NRG3: variants seen among roughly 807,000 people sequenced by gnomAD.
The protein encoded by NRG3 is pro-neuregulin-3, membrane-bound isoform.
NRG3 carries 31 observed loss-of-function variants against 66.9 expected under a neutral mutation model. That is an observed-to-expected ratio of 0.46 (90% confidence interval 0.35 to 0.63). NRG3 has a LOEUF of 0.63. Ranked by LOEUF, NRG3 falls within the 20% of genes least tolerant of loss-of-function variation. The pLI, the probability that NRG3 is intolerant of heterozygous loss-of-function variation, is 0.00. For missense variants in NRG3, 910 were observed against 878.9 expected (o/e 1.04, Z -0.45); for synonymous variants, 393 against 359.4 (o/e 1.09, Z -1.06).
At chr10:82,972,132 C>T (rs1851820169) in intron 6 of NRG3, among the ~76,000 whole-genome samples, 1 of 152,038 alleles carries the variant, frequency 6.6e-6, no homozygotes. Flanking sequence ...GTTACAAACC[C>T]CCTTATTAAT....
At chr10:82,191,186 TTTAGGA>T (rs2074122509) in intron 1 of NRG3, among the ~76,000 whole-genome samples, 1 of 152,148 alleles carries the variant, frequency 6.6e-6, no homozygotes, top group Admixed American at 6.5e-5. Context: ...CAACATTTAC[TTTAGGA>T]TTGAATTGAC....
At chr10:82,045,923 T>C (rs1226159619) in intron 1 of NRG3, among the ~76,000 whole-genome samples, 5 of 151,282 alleles carry the variant, frequency 3.3e-5, no homozygotes, top group East Asian at 3.9e-4. Flanking sequence ...TTCCATTGAT[T>C]TATATCTCTG....
intron 4 of NRG3, among the ~76,000 whole-genome samples, chr10:82,940,303 G>C (rs1198141294): frequency 6.6e-6 from 1 of 152,110 alleles, no homozygotes; most frequent in Non-Finnish European, 1.5e-5. Context: ...TCTTCTGAGG[G>C]CTGTGAAGGG....
At chr10:82,003,010 G>A (rs1167261096) in intron 1 of NRG3, among the ~76,000 whole-genome samples, 3 of 152,194 alleles carry the variant, frequency 2.0e-5, no homozygotes. Context: ...GAGGGGTGCT[G>A]ATGTGTCTGG....
intron 3 of NRG3, among the ~76,000 whole-genome samples, chr10:82,840,985 G>T (rs576359205): frequency 1.3e-5 from 2 of 152,128 alleles, no homozygotes; most frequent in Non-Finnish European, 2.9e-5. Flanking sequence ...GTCTGCAGAT[G>T]TAACCAAGTT....
chr10:81,890,774 A>G (rs957926111), intron 1 of NRG3, among the ~76,000 whole-genome samples: 1 of 152,176 alleles, frequency 6.6e-6, no homozygotes, highest in African/African-American at 2.4e-5. Flanking sequence ...AAATTGAATT[A>G]AATTGCCGGT....
At chr10:82,571,993 C>T (rs2045764279) in intron 2 of NRG3, among the ~76,000 whole-genome samples, 1 of 151,334 alleles carries the variant, frequency 6.6e-6, no homozygotes, top group Non-Finnish European at 1.5e-5. Context: ...CATAACTATC[C>T]TTGTACTGTT....
intron 4 of NRG3, among the ~76,000 whole-genome samples, chr10:82,926,517 G>C (rs1847014839): frequency 6.6e-6 from 1 of 152,190 alleles, no homozygotes; most frequent in Non-Finnish European, 1.5e-5. Context: ...CATCCAAGAA[G>C]TATCTATCAC....
At chr10:82,505,656 A>G (rs1267186206) in intron 2 of NRG3, among the ~76,000 whole-genome samples, 1 of 152,208 alleles carries the variant, frequency 6.6e-6, no homozygotes, top group East Asian at 1.9e-4. Flanking sequence ...AGGCTGGTAG[A>G]TGCATATGAC....
intron 1 of NRG3, among the ~76,000 whole-genome samples, chr10:82,026,298 G>A (rs1442751221): frequency 1.3e-5 from 2 of 151,628 alleles, no homozygotes; most frequent in African/African-American, 4.8e-5. Context: ...TATAAGAAAG[G>A]GCCATATAAA....
intron 2 of NRG3, among the ~76,000 whole-genome samples, chr10:82,458,253 A>G (rs2091359720): frequency 6.6e-6 from 1 of 152,348 alleles, no homozygotes; most frequent in Non-Finnish European, 1.5e-5. Context: ...GAACCAGGGT[A>G]TATAAGTTCC....
intron 1 of NRG3, among the ~76,000 whole-genome samples, chr10:82,177,809 A>G (rs1368874715): frequency 1.3e-5 from 2 of 152,188 alleles, no homozygotes; most frequent in Non-Finnish European, 2.9e-5. Context: ...AACTAAAAGA[A>G]AGATTAATTC....
intron 1 of NRG3, among the ~76,000 whole-genome samples, chr10:82,227,592 G>C (rs1000181257): frequency 2.0e-5 from 3 of 151,982 alleles, no homozygotes; most frequent in Admixed American, 2.0e-4. Flanking sequence ...ATATTGCTTT[G>C]TCATTGTTTT....
chr10:82,809,563 T>C (rs554099001), intron 3 of NRG3, among the ~76,000 whole-genome samples: 3 of 152,206 alleles, frequency 2.0e-5, no homozygotes, highest in African/African-American at 7.2e-5. Context: ...TACAGAAACG[T>C]ATTTAAATAG....
chr10:82,437,247 T>C (rs553297280), intron 2 of NRG3, among the ~76,000 whole-genome samples: 14 of 152,086 alleles, frequency 9.2e-5, no homozygotes, highest in African/African-American at 3.1e-4. Context: ...TCCATTCTTT[T>C]TTCTCTATTC....
At chr10:82,766,756 C>T (rs1188830313) in intron 3 of NRG3, among the ~76,000 whole-genome samples, 1 of 151,862 alleles carries the variant, frequency 6.6e-6, no homozygotes, top group Non-Finnish European at 1.5e-5. Flanking sequence ...TTTCCTATTT[C>T]ATCAGTCAGT....
chr10:82,681,372 A>C (rs1485994278), intron 2 of NRG3, among the ~76,000 whole-genome samples: 2 of 152,240 alleles, frequency 1.3e-5, no homozygotes, highest in African/African-American at 4.8e-5. Context: ...AATTAATGTG[A>C]AATACCTAAT....
chr10:82,375,320 G>A (rs1487941214), intron 2 of NRG3, among the ~76,000 whole-genome samples: 2 of 152,184 alleles, frequency 1.3e-5, no homozygotes, highest in East Asian at 1.9e-4. Context: ...GGCGGATCAC[G>A]AGGTCAGGAG....
chr10:82,817,387 T>A (rs1229742802), intron 3 of NRG3, among the ~76,000 whole-genome samples: 2 of 152,232 alleles, frequency 1.3e-5, no homozygotes, highest in Non-Finnish European at 2.9e-5. Context: ...GGTAGATTTT[T>A]TCTATATTTT....
Sources: gnomAD v4.1 joint callset for allele counts (sites outside exome capture counted in the v4.1 genomes callset) on GRCh38, gnomAD v4.1.1 for gene constraint, MANE v1.5 for transcripts, NCBI Gene and HGNC (gene_info 2026-07-23, HGNC 2026-07-21) for gene names.